The following UIMC1 variants were observed in gnomAD, a reference collection of about 807,000 sequenced individuals.
UIMC1 encodes the protein BRCA1-A complex subunit RAP80.
In UIMC1, 42 loss-of-function variants were observed where a neutral mutation model predicts 84.9. That is an observed-to-expected ratio of 0.49 (90% CI 0.39 to 0.64). The LOEUF (loss-of-function observed/expected upper bound fraction) is 0.64, where lower values mean the gene tolerates loss of function less well. UIMC1 is among the 30% of genes least tolerant of loss of function. The pLI, the probability that UIMC1 is intolerant of heterozygous loss-of-function variation, is 0.00. For missense variants in UIMC1, 825 were observed against 847.6 expected (o/e 0.97, Z 0.33); for synonymous variants, 281 against 293.0 (o/e 0.96, Z 0.42).
rs780779401 is a variant in UIMC1 at position 176,970,740 on chromosome 5, A to G, written c.357+2T>C. On this transcript the variant is annotated splice_donor_variant, in intron 4 of 14. Coordinates refer to ENST00000511320, the MANE Select transcript of UIMC1 (RefSeq NM_001199298.2). LOFTEE classifies it high-confidence loss of function. ...CAAACTTTTGCAACATGGCATATTTACATTCAGGCTTTCAGCAATGGCTTT... is the reference window on the plus strand; with the variant it reads ...CAAACTTTTGCAACATGGCATATTTGCATTCAGGCTTTCAGCAATGGCTTT... 1 of 1,614,140 alleles carries G rather than the reference A, an allele frequency of 6.2e-7. No individual in the cohort carries two copies. Among genetic ancestry groups the G allele is most frequent in the Non-Finnish European group, 8.5e-7 (1 of 1,180,026 alleles).
At chr5:176,943,884 C>T (rs575686061) in intron 9 of UIMC1, among the ~76,000 whole-genome samples, 1 of 152,286 alleles carries the variant, frequency 6.6e-6, no homozygotes, top group African/African-American at 2.4e-5. Context: ...TGCAAAGTCA[C>T]AGAACAAGTA....
At chr5:176,940,028 C>T (rs954344566) in intron 10 of UIMC1, among the ~76,000 whole-genome samples, 4 of 152,120 alleles carry the variant, frequency 2.6e-5, no homozygotes, top group Admixed American at 6.5e-5. Context: ...ACAAGGAGAA[C>T]GTGAAATGTC....
chr5:176,980,526 C>T (rs1365063572), intron 2 of UIMC1, among the ~76,000 whole-genome samples: 3 of 152,106 alleles, frequency 2.0e-5, no homozygotes, highest in Non-Finnish European at 4.4e-5. Flanking sequence ...CTTCAGATCA[C>T]ACAGATGACA....
In UIMC1 at chr5:176,905,357, A is replaced by G. The variant is rs765765713; in HGVS notation, c.2085T>C (p.Phe695=). The change falls in exon 15 of 15, where the codon TTT becomes TTC. Residue 695 remains phenylalanine, a synonymous_variant. Coordinates refer to ENST00000511320, the MANE Select transcript of UIMC1 (RefSeq NM_001199298.2). ...CTGGCTGGACAGTAACTTGCTTTTT[A>G]AAGTCCACTAAGCAATCTGTGGCTT... ...ISEATDCLVD[F]KKQVTVQPGS... is the part of the protein sequence containing the mutation. 116 of 1,614,038 alleles carry G rather than the reference A, an allele frequency of 7.2e-5. 1 individual carries two copies. In the Admixed American group the frequency reaches 1.8e-3, roughly 26 times the overall value.
intron 1 of UIMC1, among the ~76,000 whole-genome samples, chr5:176,990,610 T>C (rs1185460924): frequency 1.3e-5 from 2 of 152,172 alleles, no homozygotes; most frequent in African/African-American, 4.8e-5. Flanking sequence ...GTAACAGAAA[T>C]GGAAAAAACA....
intron 3 of UIMC1, among the ~76,000 whole-genome samples, chr5:176,973,876 A>AG (rs1421438887): frequency 6.6e-6 from 1 of 152,086 alleles, no homozygotes; most frequent in African/African-American, 2.4e-5. Flanking sequence ...TGGACAACAG[A>AG]GGGAGACCCT....
intron 9 of UIMC1, among the ~76,000 whole-genome samples, chr5:176,944,363 C>CTTT (rs112136917): frequency 6.6e-6 from 1 of 152,200 alleles, no homozygotes; most frequent in African/African-American, 2.4e-5. Flanking sequence ...CCTACAGTTG[C>CTTT]TGGTATCTCT....
At chr5:176,972,944 C>G (rs1422518684) in intron 3 of UIMC1, among the ~76,000 whole-genome samples, 1 of 140,372 alleles carries the variant, frequency 7.1e-6, no homozygotes, top group Non-Finnish European at 1.5e-5. Context: ...GAAATGGCGT[C>G]TCTCTCTGTT....
intron 2 of UIMC1, among the ~76,000 whole-genome samples, chr5:176,977,624 A>G (rs1770329917): frequency 6.6e-6 from 1 of 151,570 alleles, no homozygotes; most frequent in Admixed American, 6.6e-5. Context: ...ACAGAAACAA[A>G]AAAGGCCAGG....
At chr5:176,952,377 T>C (rs1433038151) in intron 8 of UIMC1, among the ~76,000 whole-genome samples, 2 of 152,218 alleles carry the variant, frequency 1.3e-5, no homozygotes, top group South Asian at 4.1e-4. Context: ...GTCCCAGGCA[T>C]TATACTCGCT....
chr5:176,906,681 C>T (rs564486925), intron 13 of UIMC1, among the ~76,000 whole-genome samples: 2 of 152,234 alleles, frequency 1.3e-5, no homozygotes, highest in South Asian at 2.1e-4. Context: ...CACTCTACTG[C>T]TCCCTAAATA....
intron 9 of UIMC1, among the ~76,000 whole-genome samples, chr5:176,948,365 G>A (rs1354400097): frequency 6.6e-6 from 1 of 152,132 alleles, no homozygotes; most frequent in Non-Finnish European, 1.5e-5. Context: ...AAAATAATAT[G>A]ACTTTCCACA....
intron 8 of UIMC1, among the ~76,000 whole-genome samples, chr5:176,954,604 T>G (rs1422890456): frequency 6.6e-6 from 1 of 151,456 alleles, no homozygotes; most frequent in Admixed American, 6.6e-5. Context: ...TTTTTAAAAT[T>G]AGTTAGGTGT....
chr5:176,942,800 AT>A (rs1003045700), intron 10 of UIMC1, among the ~76,000 whole-genome samples: 40 of 151,714 alleles, frequency 2.6e-4, no homozygotes, highest in African/African-American at 9.7e-4. Flanking sequence ...CACACCTGTA[AT>A]CTCAGCACTT....
intron 4 of UIMC1, 85 bp from the exon 5 acceptor site, chr5:176,969,791 C>G (rs902469795): frequency 1.0e-5 from 11 of 1,102,578 alleles, no homozygotes; most frequent in Non-Finnish European, 1.1e-5. Flanking sequence ...AAATGGGAGG[C>G]CACCGTTCAT....
rs539389112 is a variant in UIMC1, at chr5:176,972,538, C to A, written c.233-1672G>T. Among the ~76,000 whole-genome samples the A allele has an allele frequency of 1.4e-3, 214 of 152,180 alleles. 1 individual carries two copies. Among genetic ancestry groups the A allele is most frequent in the Non-Finnish European group, 2.5e-3 (173 of 68,016 alleles). ...ATCACCTGAGGTCAGGAGTTTGAGA[C>A]CAGCCTGGCCTACATGGTGAAACCT... On this transcript the variant is annotated intron_variant, in intron 3 of 14. Coordinates refer to ENST00000511320, the MANE Select transcript of UIMC1 (RefSeq NM_001199298.2).
At chr5:176,967,646 C>T (rs1768498802) in intron 6 of UIMC1, among the ~76,000 whole-genome samples, 1 of 152,162 alleles carries the variant, frequency 6.6e-6, no homozygotes, top group Non-Finnish European at 1.5e-5. Flanking sequence ...CTCATGCCTA[C>T]ACTGCCAACA....
At chr5:176,946,593 G>T (rs61577032) in intron 9 of UIMC1, among the ~76,000 whole-genome samples, 19,789 of 152,160 alleles carry the variant, frequency 0.13, 1,671 homozygotes, top group East Asian at 0.19. Flanking sequence ...CCAGCACTTT[G>T]GGAGGCCAAG....
At chr5:176,919,177 G>C (rs771313841) in intron 10 of UIMC1, 11 of 405,710 alleles carry the variant, frequency 2.7e-5, no homozygotes, top group South Asian at 1.9e-4. Flanking sequence ...TACCTGGGAG[G>C]CTGAGGTGGG....
Sources: allele counts gnomAD v4.1 joint callset (sites outside exome capture counted in the v4.1 genomes callset), GRCh38; gene constraint gnomAD v4.1.1; transcripts MANE v1.5; gene names NCBI Gene and HGNC (gene_info 2026-07-23, HGNC 2026-07-21).